The following VPS37A variants were observed in gnomAD, a reference collection of about 807,000 sequenced individuals.
The protein encoded by VPS37A is VPS37A subunit of ESCRT-I.
In VPS37A, 30 loss-of-function variants were observed where a neutral mutation model predicts 49.8. The observed-to-expected ratio is 0.60, with a 90% confidence interval of 0.45 to 0.82. The LOEUF (loss-of-function observed/expected upper bound fraction) is 0.82. Among genes scored for constraint, VPS37A ranks in the 40% least tolerant of loss-of-function variants. The pLI is 0.00. For synonymous variants in VPS37A, 195 were observed against 160.6 expected (o/e 1.21, Z -1.62); for missense variants, 593 against 464.4 (o/e 1.28, Z -2.55).
chr8:17,312,668 C>T, the VPS37A span, among the ~76,000 whole-genome samples: 1 of 151,580 alleles, frequency 6.6e-6, no homozygotes, highest in Non-Finnish European at 1.5e-5. Flanking sequence ...TTATTCACAT[C>T]ACATCTGTAA....
At chr8:17,269,481 A>T (rs1011053745) in intron 4 of VPS37A, among the ~76,000 whole-genome samples, 1 of 151,900 alleles carries the variant, frequency 6.6e-6, no homozygotes, top group African/African-American at 2.4e-5. Flanking sequence ...TTTCCACATC[A>T]TCTTAAATTT....
At chr8:17,311,359 A>G in the VPS37A span, 7 of 1,028,954 alleles carry the variant, frequency 6.8e-6, no homozygotes, top group Non-Finnish European at 8.5e-6. Context: ...TGCTGATTAA[A>G]TTAATCTTGA....
At chr8:17,282,933 G>C (rs1815223865) in intron 9 of VPS37A, among the ~76,000 whole-genome samples, 2 of 152,156 alleles carry the variant, frequency 1.3e-5, no homozygotes, top group Non-Finnish European at 2.9e-5. Context: ...ATCTGGTTCA[G>C]TGGTTGGCAC....
rs551852499 is a variant in VPS37A at position 17,253,188 on chromosome 8, C to G, written c.125+5819C>G. Reference sequence around the variant, plus strand: ...AAATCAGCTACATCTGCCCCTCCCCCCAACCTGAACTCCTTCCAAACCATT... The same window carrying G: ...AAATCAGCTACATCTGCCCCTCCCCGCAACCTGAACTCCTTCCAAACCATT... On this transcript the variant is annotated intron_variant, in intron 1 of 11. Coordinates refer to ENST00000324849, the MANE Select transcript of VPS37A (RefSeq NM_152415.3). Among the ~76,000 whole-genome samples, 14 of 152,318 alleles carry G rather than the reference C, an allele frequency of 9.2e-5. No individual in the cohort carries two copies. The East Asian group carries it at 1.4e-3, about 15-fold the overall frequency.
chr8:17,300,367 G>C, downstream of VPS37A: 3 of 886,894 alleles, frequency 3.4e-6, no homozygotes, highest in South Asian at 5.6e-5. Flanking sequence ...TTCAAACCTG[G>C]ACTTCACGAC....
chr8:17,274,075 C>G (rs925577723), intron 4 of VPS37A, among the ~76,000 whole-genome samples: 1 of 152,042 alleles, frequency 6.6e-6, no homozygotes, highest in Non-Finnish European at 1.5e-5. Context: ...TGATCTGGTT[C>G]TCTCTAAAAT....
chr8:17,299,762 G>A, downstream of VPS37A: 3 of 1,499,084 alleles, frequency 2.0e-6, no homozygotes, highest in South Asian at 1.3e-5. Flanking sequence ...AGTTCTCAAT[G>A]ACATGCACCA....
At position 17,247,074 on chromosome 8, in the gene VPS37A, C is replaced by A; in HGVS notation, c.-171C>A. 1.2e-6 allele frequency: 1 copy of A among 851,224 alleles called. No homozygotes were observed. The highest frequency in any genetic ancestry group is 1.8e-6 in the Non-Finnish European group (1 of 562,130). The allele number at this position is 851,224 out of a possible 1,614,324, so 52.7% of individuals were successfully genotyped here. ...GCCGCCCGCCGTTCGTAGCATGTCC[C>A]CCAGAACTCGGGGAGCGCAGGCAGG... On this transcript the variant is annotated 5_prime_UTR_variant, in exon 1 of 12. Transcript: ENST00000324849.
intron 2 of VPS37A, among the ~76,000 whole-genome samples, chr8:17,267,198 G>C (rs748367618): frequency 5.3e-5 from 8 of 152,122 alleles, no homozygotes; most frequent in Admixed American, 1.3e-4. Context: ...AAAATCTTCA[G>C]CTTTGTAAAT....
chr8:17,291,775 G>C (rs1181056668), intron 11 of VPS37A, among the ~76,000 whole-genome samples: 1 of 152,108 alleles, frequency 6.6e-6, no homozygotes, highest in Non-Finnish European at 1.5e-5. Context: ...TTTCCATGTA[G>C]TTGTGTGGTT....
the VPS37A span, chr8:17,331,143 G>A: frequency 1.2e-6 from 2 of 1,609,234 alleles, no homozygotes; most frequent in Non-Finnish European, 8.5e-7. Context: ...ATAAGGAAAT[G>A]GTTTACCTTC....
chr8:17,318,595 G>A, the VPS37A span, among the ~76,000 whole-genome samples: 4 of 152,168 alleles, frequency 2.6e-5, no homozygotes, highest in African/African-American at 7.2e-5. Flanking sequence ...GGCCACTGCA[G>A]TGGGGTCCTA....
chr8:17,251,235 G>C (rs1363771646), intron 1 of VPS37A, among the ~76,000 whole-genome samples: 3 of 152,212 alleles, frequency 2.0e-5, no homozygotes, highest in Non-Finnish European at 4.4e-5. Context: ...TGGAGGGGAA[G>C]TCTGCTGGGG....
chr8:17,298,429 A>C (rs1816882703), downstream of VPS37A: 1 of 152,356 alleles, frequency 6.6e-6, no homozygotes, highest in South Asian at 2.1e-4. Flanking sequence ...ACACAATTAA[A>C]TGTTTTCATT....
chr8:17,309,796 A>G, the VPS37A span, among the ~76,000 whole-genome samples: 2 of 152,154 alleles, frequency 1.3e-5, no homozygotes, highest in African/African-American at 4.8e-5. Context: ...AATGTAAATT[A>G]CCAACCTCTT....
rs144004462 is a variant in VPS37A at position 17,289,464 on chromosome 8, C to G, written c.*3037C>G. Among the ~76,000 whole-genome samples, 459 of 152,216 alleles carry G rather than the reference C, an allele frequency of 3.0e-3. 20 individuals are homozygous for G. The East Asian group carries it at 0.08, about 26-fold the overall frequency. On this transcript the variant is annotated intron_variant, in intron 11 of 11. Transcript: ENST00000324849. ...AACACCATTTATTAAATAGGGAATC[C>G]TTCCCCCATTGCTTTTGTCAGGTTT...
chr8:17,333,240 G>GA, the VPS37A span, among the ~76,000 whole-genome samples: 1 of 151,898 alleles, frequency 6.6e-6, no homozygotes, highest in African/African-American at 2.4e-5. Flanking sequence ...CCTTAATCAA[G>GA]AAAAAAATAT....
At chr8:17,248,475 C>G in intron 1 of VPS37A, 1 of 432,382 alleles carries the variant, frequency 2.3e-6, no homozygotes. Flanking sequence ...GGGGTTTCAC[C>G]ACATTGGTCA....
At chr8:17,293,141 G>A (rs1816300010) in intron 11 of VPS37A, among the ~76,000 whole-genome samples, 1 of 151,802 alleles carries the variant, frequency 6.6e-6, no homozygotes, top group Non-Finnish European at 1.5e-5. Flanking sequence ...TGGAGGCTTT[G>A]TTTGTTCCTT....
Sources: gnomAD v4.1 joint callset for allele counts (sites outside exome capture counted in the v4.1 genomes callset) on GRCh38, gnomAD v4.1.1 for gene constraint, MANE v1.5 for transcripts, NCBI Gene and HGNC (gene_info 2026-07-23, HGNC 2026-07-21) for gene names.